Variants in BCAS1 observed in about 807,000 individuals in gnomAD.
The protein encoded by BCAS1 is breast carcinoma-amplified sequence 1.
A neutral mutation model predicts 65.4 loss-of-function variants in BCAS1; 46 were observed. The ratio of observed to expected loss-of-function variants is 0.70; its 90% CI spans 0.55 to 0.90. BCAS1 has a LOEUF of 0.90. Ranked by LOEUF, BCAS1 falls within the 40% of genes least tolerant of loss-of-function variation. The pLI is 0.00. For synonymous variants in BCAS1, 298 were observed against 293.5 expected (o/e 1.02, Z -0.16); for missense variants, 793 against 771.2 (o/e 1.03, Z -0.33).
intron 3 of BCAS1, among the ~76,000 whole-genome samples, chr20:54,030,045 CTGTG>C (rs1249198090): frequency 1.3e-5 from 2 of 152,222 alleles, no homozygotes; most frequent in African/African-American, 4.8e-5. Flanking sequence ...CTGGTCAAGA[CTGTG>C]TGTGTGGATA....
At chr20:53,957,617 G>A in intron 10 of BCAS1, 120 bp from the exon 11 acceptor site, 1 of 860,428 alleles carries the variant, frequency 1.2e-6, no homozygotes, top group East Asian at 2.4e-5. Context: ...CAAGACAAAT[G>A]GAAGGCCAAC....
intron 10 of BCAS1, among the ~76,000 whole-genome samples, chr20:53,964,626 C>T (rs1409459312): frequency 1.3e-5 from 2 of 152,104 alleles, no homozygotes; most frequent in Non-Finnish European, 2.9e-5. Context: ...TTCCAAAGGA[C>T]GCTTTTCTTT....
chr20:54,049,632 C>T (rs1175139301), intron 3 of BCAS1, among the ~76,000 whole-genome samples: 2 of 151,680 alleles, frequency 1.3e-5, no homozygotes, highest in African/African-American at 4.9e-5. Flanking sequence ...ACTCAAACTC[C>T]TGGACTCAAG....
chr20:53,992,297 G>A (rs1471129649), intron 7 of BCAS1, among the ~76,000 whole-genome samples: 1 of 152,150 alleles, frequency 6.6e-6, no homozygotes. Flanking sequence ...CAGAACCCTG[G>A]TCCGCACTAG....
At chr20:54,006,662 A>T (rs1568869230) in intron 4 of BCAS1, among the ~76,000 whole-genome samples, 1 of 151,662 alleles carries the variant, frequency 6.6e-6, no homozygotes, top group Non-Finnish European at 1.5e-5. Context: ...GTGAGCCAAG[A>T]TCGCACCACT....
At chr20:54,026,598 TTGGATGCCC>T (rs1383303235) in intron 4 of BCAS1, among the ~76,000 whole-genome samples, 2 of 152,334 alleles carry the variant, frequency 1.3e-5, no homozygotes, top group Middle Eastern at 3.4e-3. Flanking sequence ...TGGATAGGCT[TTGGATGCCC>T]AAGCAAAACA....
At chr20:54,019,662 G>A (rs1197560698) in intron 4 of BCAS1, among the ~76,000 whole-genome samples, 1 of 152,168 alleles carries the variant, frequency 6.6e-6, no homozygotes, top group African/African-American at 2.4e-5. Flanking sequence ...CCTTCCAATC[G>A]GCTGGCAGCA....
At chr20:53,991,468 T>A (rs1219287012) in intron 7 of BCAS1, among the ~76,000 whole-genome samples, 1 of 152,192 alleles carries the variant, frequency 6.6e-6, no homozygotes, top group Non-Finnish European at 1.5e-5. Flanking sequence ...GTAGGGAAGT[T>A]TTTTTAATAC....
At chr20:53,996,851 A>G (rs2090929129) in intron 4 of BCAS1, among the ~76,000 whole-genome samples, 1 of 152,200 alleles carries the variant, frequency 6.6e-6, no homozygotes, top group African/African-American at 2.4e-5. Flanking sequence ...AACGTCTAAC[A>G]TGGTCTGCCC....
chr20:53,943,645 GGGTCCTAT>G lies in BCAS1; in HGVS notation c.*1269_*1276del, dbSNP rs1171547246. 6.6e-6 allele frequency: 1 copy of G among 152,168 alleles called. No individual in the cohort carries two copies. The highest frequency in any genetic ancestry group is 1.9e-4 in the East Asian group (1 of 5,196). 9.4% of individuals were successfully genotyped at this position (152,168 alleles called of 1,614,324 possible). On this transcript the variant is annotated 3_prime_UTR_variant, in exon 13 of 13. Coordinates refer to ENST00000688948, the MANE Select transcript of BCAS1 (RefSeq NM_001366298.2). ...TTTGAATTACATTTTAATAGACTCA[GGGTCCTAT>G]TTACTCCTTTGTACAGGTATTAAAA... is the stretch of plus-strand genomic sequence containing the variant.
rs774818295 is a variant in BCAS1, at chr20:53,995,910, C to T, written c.864G>A (p.Met288Ile). The T allele has an allele frequency of 6.2e-7, 1 of 1,607,592 alleles. No individual in the cohort carries two copies. The highest frequency in any genetic ancestry group is 8.5e-7 in the Non-Finnish European group (1 of 1,177,010). ...AAIAENNNSI[M>I]SFFKTLVSPN... ...TGCTTACCAGAGTTTTAAAGAAACT[C>T]ATGATGGAATTATTATTCTCTGCTA... The change falls in exon 5 of 13, where the codon ATG becomes ATA. Residue 288 changes from methionine (M) to isoleucine (I), a missense_variant. Met to Ile is a conservative substitution (Grantham distance 10). Coordinates refer to ENST00000688948, the MANE Select transcript of BCAS1 (RefSeq NM_001366298.2).
chr20:54,048,572 G>A (rs1003293287), intron 3 of BCAS1, among the ~76,000 whole-genome samples: 2 of 152,184 alleles, frequency 1.3e-5, no homozygotes, highest in Admixed American at 6.5e-5. Flanking sequence ...ATGTAGAGAT[G>A]TGATGTTTGG....
intron 1 of BCAS1, among the ~76,000 whole-genome samples, chr20:54,065,831 G>A (rs969579621): frequency 6.6e-6 from 1 of 152,192 alleles, no homozygotes; most frequent in Non-Finnish European, 1.5e-5. Context: ...GATTCCTTGC[G>A]TGGAGCTCCT....
chr20:53,946,362 C>T (rs2089316002), intron 12 of BCAS1, among the ~76,000 whole-genome samples: 1 of 151,940 alleles, frequency 6.6e-6, no homozygotes. Flanking sequence ...CTAGAGTATA[C>T]ACAGCCCTTC....
intron 7 of BCAS1, among the ~76,000 whole-genome samples, chr20:53,989,282 G>T (rs2090694221): frequency 6.6e-6 from 1 of 152,026 alleles, no homozygotes; most frequent in African/African-American, 2.4e-5. Flanking sequence ...TGCATTGGGA[G>T]GATATCCAGA....
At chr20:53,991,903 T>C (rs2090770886) in intron 7 of BCAS1, among the ~76,000 whole-genome samples, 1 of 152,176 alleles carries the variant, frequency 6.6e-6, no homozygotes, top group African/African-American at 2.4e-5. Context: ...CTTCTCCTTT[T>C]CCAACTCTCA....
intron 3 of BCAS1, among the ~76,000 whole-genome samples, chr20:54,046,049 C>T (rs2146243945): frequency 6.6e-6 from 1 of 152,158 alleles, no homozygotes; most frequent in Admixed American, 6.5e-5. Context: ...ACAACAATAA[C>T]AGAAAATATG....
At chr20:53,954,502 TG>T (rs2089641809) in intron 11 of BCAS1, among the ~76,000 whole-genome samples, 1 of 152,222 alleles carries the variant, frequency 6.6e-6, no homozygotes, top group Admixed American at 6.5e-5. Flanking sequence ...CCCTAATTTT[TG>T]GTGTGAAATT....
At chr20:54,009,600 C>A (rs2145946771) in intron 4 of BCAS1, among the ~76,000 whole-genome samples, 1 of 152,234 alleles carries the variant, frequency 6.6e-6, no homozygotes, top group Admixed American at 6.5e-5. Context: ...GGAAAGAAGT[C>A]TTCAGGCCCA....
Sources: allele counts gnomAD v4.1 joint callset (sites outside exome capture counted in the v4.1 genomes callset), GRCh38; gene constraint gnomAD v4.1.1; transcripts MANE v1.5; gene names NCBI Gene and HGNC (gene_info 2026-07-23, HGNC 2026-07-21).